The following NARS2 variants were observed in gnomAD, a reference collection of about 807,000 sequenced individuals.
NARS2 encodes the protein asparaginyl-tRNA synthetase.
A neutral mutation model predicts 62.9 loss-of-function variants in NARS2; 60 were observed. The observed-to-expected ratio is 0.95, with a 90% CI of 0.77 to 1.18. NARS2 has a LOEUF of 1.18. Among genes scored for constraint, NARS2 ranks in the 50% most tolerant of loss-of-function variants. The pLI is 0.00. For synonymous variants in NARS2, 196 were observed against 200.0 expected (o/e 0.98, Z 0.17); for missense variants, 619 against 576.4 (o/e 1.07, Z -0.76).
intron 2 of NARS2, among the ~76,000 whole-genome samples, 173 bp downstream of exon 2, chr11:78,571,162 T>C (rs1185985671): frequency 6.6e-6 from 1 of 152,160 alleles, no homozygotes; most frequent in Non-Finnish European, 1.5e-5. Flanking sequence ...AGGAAAGGCC[T>C]GAGCTTGAAG....
chr11:78,463,713 C>CA (rs10649252), intron 11 of NARS2, among the ~76,000 whole-genome samples: 4,784 of 47,980 alleles, frequency 0.1, 508 homozygotes, highest in East Asian at 0.32. Flanking sequence ...TAGTTAAGGT[C>CA]AAAAAAAAAA....
chr11:78,458,549 T>C (rs1258011356), intron 11 of NARS2, among the ~76,000 whole-genome samples: 1 of 152,206 alleles, frequency 6.6e-6, no homozygotes, highest in Admixed American at 6.5e-5. Flanking sequence ...CTTTCCTTTA[T>C]GCTATGTTGC....
At chr11:78,455,489 GAAC>G (rs1387132690) in intron 11 of NARS2, among the ~76,000 whole-genome samples, 1 of 151,992 alleles carries the variant, frequency 6.6e-6, no homozygotes, top group Non-Finnish European at 1.5e-5. Context: ...TCAATAAACT[GAAC>G]AATAGCAGTA....
Position 78,436,499 on chromosome 11 carries a change from C to T in NARS2, c.*171G>A, listed in dbSNP as rs1005195292. 4.8e-6 allele frequency: 4 copies of T among 838,968 alleles called. No homozygotes were observed. The African/African-American group carries it at 6.9e-5, about 14-fold the overall frequency. 52.0% of individuals were successfully genotyped at this position (838,968 alleles called of 1,614,324 possible). On this transcript the variant is annotated 3_prime_UTR_variant, in exon 14 of 14. Transcript: ENST00000281038. Reference sequence around the variant, plus strand: ...AGCTCATCCTTACGTGAAATACCCTCAACTTTCTAAGAAAATCACAACCAC... The same window carrying T: ...AGCTCATCCTTACGTGAAATACCCTTAACTTTCTAAGAAAATCACAACCAC...
chr11:78,447,639 T>C lies in NARS2; in HGVS notation c.1165-3881A>G, dbSNP rs142098129. 9.7e-4 allele frequency among the ~76,000 whole-genome samples: 148 copies of C among 152,238 alleles called. 1 individual carries two copies. Among genetic ancestry groups the C allele is most frequent in the African/African-American group, 3.5e-3 (144 of 41,530 alleles). On this transcript the variant is annotated intron_variant, in intron 11 of 13. Coordinates refer to ENST00000281038, the MANE Select transcript of NARS2 (RefSeq NM_024678.6). ...GATGAATGGACAAATATTGTGTATATATATACACAATAAAATACTATTCAG... is the reference window on the plus strand; with the variant it reads ...GATGAATGGACAAATATTGTGTATACATATACACAATAAAATACTATTCAG...
chr11:78,562,718 C>A (rs1856597430), intron 4 of NARS2, among the ~76,000 whole-genome samples: 1 of 152,128 alleles, frequency 6.6e-6, no homozygotes. Flanking sequence ...TTCTAAATAG[C>A]CAAGTTTTAG....
At chr11:78,498,391 A>C (rs1860145546) in intron 6 of NARS2, among the ~76,000 whole-genome samples, 1 of 152,196 alleles carries the variant, frequency 6.6e-6, no homozygotes, top group Non-Finnish European at 1.5e-5. Flanking sequence ...CTGTTCATTA[A>C]GCAGTAGCAC....
intron 6 of NARS2, 97 bp from the exon 7 acceptor site, chr11:78,493,292 G>A (rs748398562): frequency 2.0e-5 from 24 of 1,177,608 alleles, no homozygotes; most frequent in Non-Finnish European, 2.5e-5. Flanking sequence ...AAAGTTTTGT[G>A]TGCCTCTGTC....
At chr11:78,496,431 A>G (rs182598225) in intron 6 of NARS2, among the ~76,000 whole-genome samples, 68 of 152,280 alleles carry the variant, frequency 4.5e-4, no homozygotes, top group African/African-American at 1.5e-3. Context: ...CTTCCAGAAT[A>G]AGAAACTGCA....
At chr11:78,468,418 T>C (rs1858724169) in intron 10 of NARS2, among the ~76,000 whole-genome samples, 1 of 150,648 alleles carries the variant, frequency 6.6e-6, no homozygotes, top group Non-Finnish European at 1.5e-5. Flanking sequence ...CATCTTTTTT[T>C]TTTTTTTTGA....
At chr11:78,470,493 A>G (rs975126913) in intron 9 of NARS2, among the ~76,000 whole-genome samples, 1 of 152,062 alleles carries the variant, frequency 6.6e-6, no homozygotes, top group African/African-American at 2.4e-5. Flanking sequence ...GATGTCATAC[A>G]TAACATACAC....
chr11:78,546,405 G>A (rs1351126851), intron 5 of NARS2: 1 of 152,200 alleles, frequency 6.6e-6, no homozygotes. Flanking sequence ...TTTAACTGTG[G>A]GTGAGGACAA....
At chr11:78,529,838 A>G (rs865992414) in intron 5 of NARS2, among the ~76,000 whole-genome samples, 1 of 152,146 alleles carries the variant, frequency 6.6e-6, no homozygotes, top group Non-Finnish European at 1.5e-5. Context: ...CTTGTATTTT[A>G]AACTGTGCAC....
intron 6 of NARS2, among the ~76,000 whole-genome samples, chr11:78,513,080 C>T (rs913763586): frequency 2.6e-5 from 4 of 151,464 alleles, no homozygotes; most frequent in Non-Finnish European, 5.9e-5. Flanking sequence ...TGAAACACTG[C>T]CTCTGCCAAA....
chr11:78,499,338 T>C (rs1286443845), intron 6 of NARS2, among the ~76,000 whole-genome samples: 1 of 152,134 alleles, frequency 6.6e-6, no homozygotes, highest in African/African-American at 2.4e-5. Context: ...GGGTCTCCTA[T>C]GTGGCCCAGA....
At chr11:78,542,981 GA>G (rs1165084425) in intron 5 of NARS2, among the ~76,000 whole-genome samples, 1 of 152,220 alleles carries the variant, frequency 6.6e-6, no homozygotes, top group African/African-American at 2.4e-5. Context: ...AACTGGAACA[GA>G]AGGGCTTGGT....
At chr11:78,498,177 C>CAATG (rs1191859173) in intron 6 of NARS2, among the ~76,000 whole-genome samples, 1 of 149,964 alleles carries the variant, frequency 6.7e-6, no homozygotes, top group Non-Finnish European at 1.5e-5. Context: ...GTAGCAGGAT[C>CAATG]AATGATAAGA....
intron 5 of NARS2, among the ~76,000 whole-genome samples, chr11:78,543,839 T>G (rs953001599): frequency 6.6e-6 from 1 of 152,010 alleles, no homozygotes; most frequent in African/African-American, 2.4e-5. Context: ...GAGACCATCC[T>G]GGCCGACATG....
chr11:78,444,084 C>T (rs1243410272), intron 11 of NARS2: 2 of 177,918 alleles, frequency 1.1e-5, no homozygotes, highest in Non-Finnish European at 2.4e-5. Context: ...AAATTTTTTC[C>T]CTTATACATT....
Sources: gnomAD v4.1 joint callset for allele counts (sites outside exome capture counted in the v4.1 genomes callset) on GRCh38, gnomAD v4.1.1 for gene constraint, MANE v1.5 for transcripts, NCBI Gene and HGNC (gene_info 2026-07-23, HGNC 2026-07-21) for gene names.